The following MEGF10 variants were observed in gnomAD, a reference collection of about 807,000 sequenced individuals.
MEGF10 encodes the protein multiple epidermal growth factor-like domains protein 10.
MEGF10 carries 86 observed loss-of-function variants against 147.5 expected under a neutral mutation model. The observed-to-expected ratio is 0.58, with a 90% confidence interval of 0.49 to 0.70. The LOEUF (loss-of-function observed/expected upper bound fraction) is 0.70, where lower values mean the gene tolerates loss of function less well. Among genes scored for constraint, MEGF10 ranks in the 30% least tolerant of loss-of-function variants. The pLI, the probability that MEGF10 is intolerant of heterozygous loss-of-function variation, is 0.00. For synonymous variants in MEGF10, 478 were observed against 525.5 expected (o/e 0.91, Z 1.24); for missense variants, 1,329 against 1,487.3 (o/e 0.89, Z 1.75).
At chr5:127,254,809 TGA>T in the MEGF10 span, among the ~76,000 whole-genome samples, 2,461 of 144,918 alleles carry the variant, frequency 0.017, 64 homozygotes, top group South Asian at 0.088. Flanking sequence ...AGACTCCATC[TGA>T]AAAAAAAAAA....
chr5:127,323,650 G>A (rs1447739852), intron 1 of MEGF10, among the ~76,000 whole-genome samples: 2 of 152,208 alleles, frequency 1.3e-5, no homozygotes, highest in African/African-American at 4.8e-5. Flanking sequence ...ATATATTGCT[G>A]CTTCACATGA....
intron 2 of MEGF10, among the ~76,000 whole-genome samples, chr5:127,337,852 A>T (rs927821491): frequency 2.0e-5 from 3 of 152,116 alleles, no homozygotes; most frequent in Admixed American, 1.3e-4. Flanking sequence ...ACAGAATTAT[A>T]ACCTTCTAAT....
At chr5:127,344,624 A>G (rs192287799) in intron 4 of MEGF10, among the ~76,000 whole-genome samples, 152 of 152,306 alleles carry the variant, frequency 1.0e-3, no homozygotes, top group Admixed American at 6.3e-3. Context: ...AAATATTTAA[A>G]TAAAACATAC....
At position 127,434,736 on chromosome 5, in the gene MEGF10, G is replaced by C. The variant is rs758230954; in HGVS notation, c.1890G>C (p.Gln630His). ...YGHRCSQTCPQCVHSSGPCHH... is the reference protein window; with the variant it reads ...YGHRCSQTCPHCVHSSGPCHH... ...ATCGCTGCAGCCAGACATGCCCACA[G>C]TGCGTTCACAGCAGCGGGCCCTGCC... Residue 630 changes from glutamine to histidine, a missense_variant, in exon 15 of 25, where the codon CAG (glutamine) becomes CAC (histidine). By Grantham distance (24) the Gln-to-His change is conservative. Around this residue, in one of 3 missense-constraint regions of MEGF10, gnomAD observed 980 missense variants for 1,085.9 expected, o/e 0.90. Coordinates refer to ENST00000503335, the MANE Select transcript of MEGF10 (RefSeq NM_001256545.2). 8.1e-6 allele frequency: 13 copies of C among 1,614,004 alleles called. No homozygotes were observed. The highest frequency in any genetic ancestry group is 1.1e-5 in the Non-Finnish European group (13 of 1,180,016).
chr5:127,331,356 A>G lies in MEGF10; in HGVS notation c.48A>G (p.Leu16=), dbSNP rs1386520040. 5 of 1,613,328 alleles carry G rather than the reference A, an allele frequency of 3.1e-6. No individual in the cohort carries two copies. Among genetic ancestry groups the G allele is most frequent in the Admixed American group, 1.7e-5 (1 of 59,970 alleles). ...GCCTGAGCTTTATTTGTTTATTGTT[A>G]TGCCACTGGATTGGGACAGCATCAC... is the stretch of plus-strand genomic sequence containing the variant. ...NSCLSFICLL[L]CHWIGTASPL... The change falls in exon 2 of 25, where the codon TTA becomes TTG. Residue 16 remains leucine, a synonymous_variant. Coordinates refer to ENST00000503335, the MANE Select transcript of MEGF10 (RefSeq NM_001256545.2).
At chr5:127,265,719 T>C in the MEGF10 span, among the ~76,000 whole-genome samples, 3 of 152,344 alleles carry the variant, frequency 2.0e-5, no homozygotes, top group African/African-American at 7.2e-5. Flanking sequence ...AAATGTCTTC[T>C]TTTGAGAAGT....
intron 9 of MEGF10, among the ~76,000 whole-genome samples, chr5:127,411,560 G>T (rs900386745): frequency 4.6e-5 from 7 of 152,040 alleles, no homozygotes; most frequent in African/African-American, 1.7e-4. Flanking sequence ...CTGTGTGTGT[G>T]TGTGTGTGTG....
the MEGF10 span, among the ~76,000 whole-genome samples, chr5:127,247,473 G>C: frequency 1.4e-4 from 20 of 147,452 alleles, no homozygotes; most frequent in East Asian, 5.9e-4. Flanking sequence ...AGAAGAAGAA[G>C]AAGAAGAAGA....
chr5:127,240,605 A>C, the MEGF10 span, among the ~76,000 whole-genome samples: 1 of 152,176 alleles, frequency 6.6e-6, no homozygotes, highest in East Asian at 1.9e-4. Context: ...CAATATGGAA[A>C]CATTATTGTC....
At chr5:127,416,724 C>A (rs1047242513) in intron 9 of MEGF10, among the ~76,000 whole-genome samples, 12 of 152,080 alleles carry the variant, frequency 7.9e-5, no homozygotes, top group African/African-American at 2.9e-4. Context: ...GTGGCTGAGA[C>A]CCTCACTTGG....
intron 5 of MEGF10, among the ~76,000 whole-genome samples, chr5:127,395,833 C>T (rs757362493): frequency 3.9e-5 from 6 of 152,048 alleles, no homozygotes; most frequent in Admixed American, 6.6e-5. Flanking sequence ...CGTGAGCCAC[C>T]GTTGACTGAT....
chr5:127,236,610 G>A, the MEGF10 span, among the ~76,000 whole-genome samples: 11 of 152,134 alleles, frequency 7.2e-5, no homozygotes, highest in Non-Finnish European at 1.3e-4. Flanking sequence ...TCCCAAGGAC[G>A]TCACCCTCTC....
intron 12 of MEGF10, among the ~76,000 whole-genome samples, chr5:127,422,443 G>A (rs913065250): frequency 3.9e-5 from 6 of 152,114 alleles, no homozygotes; most frequent in Admixed American, 6.5e-5. Flanking sequence ...CAACCCGGGA[G>A]GCCGAGGTTG....
At chr5:127,386,348 G>A (rs1763433180) in intron 5 of MEGF10, among the ~76,000 whole-genome samples, 1 of 152,154 alleles carries the variant, frequency 6.6e-6, no homozygotes, top group Admixed American at 6.6e-5. Context: ...AGATTATTTG[G>A]TGCCTCTCAA....
rs879887933 is a variant in MEGF10 at position 127,391,100 on chromosome 5, G to GCGCA, written c.413-5430_413-5427dup. Reference sequence around the variant, plus strand: ...TACATACACACATGCGCGCGCGCGCGCGCACACACACACACACACACACAC... The same window carrying GCGCA: ...TACATACACACATGCGCGCGCGCGCGCGCACGCACACACACACACACACACACAC... On this transcript the variant is annotated intron_variant, in intron 5 of 24. Transcript: ENST00000503335. Among the ~76,000 whole-genome samples the GCGCA allele has an allele frequency of 4.2e-4, 17 of 40,118 alleles. 1 individual carries two copies. The East Asian group carries it at 7.5e-3, about 18-fold the overall frequency. 26.3% of individuals were successfully genotyped at this position (40,118 alleles called of 152,430 possible).
the MEGF10 span, among the ~76,000 whole-genome samples, chr5:127,245,589 A>T: frequency 2.0e-5 from 3 of 152,224 alleles, no homozygotes; most frequent in African/African-American, 7.2e-5. Context: ...AATGGCAACA[A>T]AAGCCAAAAT....
rs747885079 is a variant in MEGF10, at chr5:127,420,054, G to T, written c.1437G>T (p.Gly479=). 1 of 1,614,102 alleles carries T rather than the reference G, an allele frequency of 6.2e-7. No individual in the cohort carries two copies. The highest frequency in any genetic ancestry group is 1.1e-5 in the South Asian group (1 of 91,074). Residue 479 remains glycine, a synonymous_variant, in exon 12 of 25, where the codon GGG becomes GGT. Transcript: ENST00000503335. ...GTTCTTGTCGCACAGGCTGGCACGG[G>T]GTGGACTGCTCCATCAGATGTCCCA... ...GSCTCKAGWH[G]VDCSIRCPSG...
At chr5:127,325,220 C>T (rs899019128) in intron 1 of MEGF10, among the ~76,000 whole-genome samples, 4 of 152,182 alleles carry the variant, frequency 2.6e-5, no homozygotes, top group Non-Finnish European at 1.5e-5. Context: ...CCTCTTAAAA[C>T]TCTGGCAAGT....
Position 127,396,705 on chromosome 5 carries a change from C to T in MEGF10, c.586C>T (p.Gln196Ter). 1 of 1,614,124 alleles carries T rather than the reference C, an allele frequency of 6.2e-7. No individual in the cohort carries two copies. Among genetic ancestry groups the T allele is most frequent in the Non-Finnish European group, 8.5e-7 (1 of 1,180,038 alleles). Residue 196 changes from glutamine (Q) to a stop codon, truncating the protein, a stop_gained, in exon 6 of 25, where the codon CAG (glutamine) becomes TAG (stop). Transcript: ENST00000503335. LOFTEE classifies it high-confidence loss of function. ...TGGTAACGACTGTCATCAGAGATGCCAGTGCCAGAATGGAGCCACCTGCGA... is the reference window on the plus strand; with the variant it reads ...TGGTAACGACTGTCATCAGAGATGCTAGTGCCAGAATGGAGCCACCTGCGA... ...TYGNDCHQRC[Q>*]CQNGATCDHV...
Sources: allele counts gnomAD v4.1 joint callset (sites outside exome capture counted in the v4.1 genomes callset), GRCh38; gene constraint gnomAD v4.1.1; regional missense constraint gnomAD v4.1.1; transcripts MANE v1.5; gene names NCBI Gene and HGNC (gene_info 2026-07-23, HGNC 2026-07-21).